Variants in AMD1 observed in about 807,000 individuals in gnomAD.
AMD1 encodes adenosylmethionine decarboxylase 1.
Under a neutral mutation model 40.2 loss-of-function variants are expected in AMD1, and 11 were observed. That is an observed-to-expected ratio of 0.27 (90% confidence interval 0.17 to 0.45). The LOEUF (loss-of-function observed/expected upper bound fraction) is 0.45, where lower values mean the gene tolerates loss of function less well. AMD1 is among the 20% of genes least tolerant of loss of function. The pLI is 1.00. For missense variants in AMD1, 257 were observed against 410.2 expected (o/e 0.63, Z 3.23); for synonymous variants, 121 against 130.8 (o/e 0.93, Z 0.51).
chr6:110,836,951 C>A, the AMD1 span, among the ~76,000 whole-genome samples: 2 of 151,742 alleles, frequency 1.3e-5, no homozygotes, highest in Non-Finnish European at 2.9e-5. Flanking sequence ...GTCAAGAGTT[C>A]GAGACCAACC....
intron 3 of AMD1, chr6:110,889,816 T>A (rs991129499): frequency 6.5e-6 from 1 of 154,596 alleles, no homozygotes; most frequent in Non-Finnish European, 1.4e-5. Flanking sequence ...GTTTTTGTTG[T>A]TATGAATTGA....
At chr6:110,872,224 A>G (rs1249981753), upstream of AMD1, among the ~76,000 whole-genome samples, 1 of 152,176 alleles carries the variant, frequency 6.6e-6, no homozygotes, top group Non-Finnish European at 1.5e-5. Context: ...ACATATAGAC[A>G]TGTCTTTACA....
chr6:110,842,966 C>G, the AMD1 span, among the ~76,000 whole-genome samples: 1 of 151,994 alleles, frequency 6.6e-6, no homozygotes, highest in Non-Finnish European at 1.5e-5. Flanking sequence ...AACCCCGTCT[C>G]TACTAAAAAT....
chr6:110,830,029 T>TG, the AMD1 span, among the ~76,000 whole-genome samples: 6 of 151,960 alleles, frequency 3.9e-5, no homozygotes, highest in Non-Finnish European at 7.4e-5. Flanking sequence ...TTTGTTTGTT[T>TG]TTTTGAGACA....
chr6:110,844,368 C>T, the AMD1 span, among the ~76,000 whole-genome samples: 1 of 150,588 alleles, frequency 6.6e-6, no homozygotes, highest in African/African-American at 2.4e-5. Context: ...ATGTTGGTCT[C>T]GCTGGTCTCA....
At chr6:110,849,075 C>T in the AMD1 span, among the ~76,000 whole-genome samples, 1 of 152,106 alleles carries the variant, frequency 6.6e-6, no homozygotes, top group East Asian at 1.9e-4. Context: ...GAGGGAAATC[C>T]TCAGCAGTAT....
the AMD1 span, among the ~76,000 whole-genome samples, chr6:110,860,274 A>G: frequency 2.0e-5 from 3 of 152,164 alleles, no homozygotes; most frequent in African/African-American, 7.2e-5. Flanking sequence ...GATAATGTGA[A>G]ATACGACTGT....
chr6:110,863,520 C>G, the AMD1 span, among the ~76,000 whole-genome samples: 1 of 151,692 alleles, frequency 6.6e-6, no homozygotes, highest in African/African-American at 2.4e-5. Context: ...CAGGCGTCTG[C>G]CACCACACCT....
the AMD1 span, among the ~76,000 whole-genome samples, chr6:110,830,719 C>G: frequency 1.3e-5 from 2 of 152,210 alleles, no homozygotes; most frequent in African/African-American, 2.4e-5. Context: ...CTAACACCAC[C>G]AGCTTGCCCT....
intron 1 of AMD1, 136 bp downstream of exon 1, chr6:110,875,351 C>T: frequency 1.4e-6 from 1 of 729,220 alleles, no homozygotes; most frequent in Admixed American, 2.6e-5. Flanking sequence ...GCTTCGGCGG[C>T]CTTGGAAGGT....
At position 110,875,022 on chromosome 6, in the gene AMD1, C is replaced by T. The variant is rs1785020431; in HGVS notation, c.-84C>T. 1.0e-5 allele frequency: 11 copies of T among 1,073,188 alleles called. No individual in the cohort carries two copies. The highest frequency in any genetic ancestry group is 1.6e-5 in the African/African-American group (1 of 63,402). 66.5% of individuals were successfully genotyped at this position (1,073,188 alleles called of 1,614,324 possible). A position where few individuals can be genotyped will look rare whatever the true frequency, so the allele number is the denominator to read the frequency against. The stretch of plus-strand genomic sequence containing the variant: ...CTTTAGTAACACAGCTGGAACAATC[C>T]GCAGCGGCGGCGGCAGCGGCGGGAG... On this transcript the variant is annotated 5_prime_UTR_variant, in exon 1 of 9. Transcript: ENST00000368885.
At chr6:110,857,698 A>G in the AMD1 span, among the ~76,000 whole-genome samples, 4 of 146,566 alleles carry the variant, frequency 2.7e-5, no homozygotes, top group Non-Finnish European at 6.0e-5. Flanking sequence ...TACAGATGGC[A>G]TATATATAGA....
At chr6:110,862,749 C>T in the AMD1 span, among the ~76,000 whole-genome samples, 1 of 152,010 alleles carries the variant, frequency 6.6e-6, no homozygotes, top group East Asian at 1.9e-4. Context: ...GGATTACAGG[C>T]GTGAGCCACT....
the AMD1 span, among the ~76,000 whole-genome samples, chr6:110,841,791 TTTTATTTA>T: frequency 2.9e-4 from 44 of 151,750 alleles, no homozygotes; most frequent in Middle Eastern, 3.4e-3. Flanking sequence ...ATTTGTTTTA[TTTTATTTA>T]TTTATTTATT....
rs1554237989 is a variant in AMD1, at chr6:110,892,723, T to TTC, written c.616-11_616-10dup. On this transcript the variant is annotated splice_polypyrimidine_tract_variant and intron_variant, in intron 6 of 8. Coordinates refer to ENST00000368885, the MANE Select transcript of AMD1 (RefSeq NM_001634.6). ...CAAACCCTTGTTAAACTCGGTCTTT[T>TTC]TCCCCCCCCAGGAGAGTGGAATTCG... is the stretch of plus-strand genomic sequence containing the variant. The TTC allele has an allele frequency of 6.6e-7, 1 of 1,504,288 alleles. No homozygotes were observed. The highest frequency in any genetic ancestry group is 8.9e-7 in the Non-Finnish European group (1 of 1,124,032). The allele number at this position is 1,504,288 out of a possible 1,614,324, so 93.2% of individuals were successfully genotyped here. A position where few individuals can be genotyped will look rare whatever the true frequency, so the allele number is the denominator to read the frequency against.
At chr6:110,888,731 T>C (rs554759136) in intron 2 of AMD1, 126 bp from the exon 3 acceptor site, 32 of 913,024 alleles carry the variant, frequency 3.5e-5, no homozygotes, top group Admixed American at 7.8e-5. Context: ...AATGTGTTAC[T>C]TGCTTCCTTG....
the AMD1 span, among the ~76,000 whole-genome samples, chr6:110,842,244 T>A: frequency 6.6e-6 from 1 of 152,328 alleles, no homozygotes; most frequent in East Asian, 1.9e-4. Context: ...TTCCACACTA[T>A]GTTTTTACCA....
chr6:110,815,217 C>G, the AMD1 span: 1 of 1,395,418 alleles, frequency 7.2e-7, no homozygotes, highest in Non-Finnish European at 9.3e-7. Context: ...GCGACCGCCG[C>G]TCCACTTCTC....
chr6:110,871,591 A>G (rs1784919857), upstream of AMD1, among the ~76,000 whole-genome samples: 1 of 152,228 alleles, frequency 6.6e-6, no homozygotes, highest in Admixed American at 6.5e-5. Flanking sequence ...TGGACCATAA[A>G]GAGGTAAGAA....
Sources: allele counts gnomAD v4.1 joint callset (sites outside exome capture counted in the v4.1 genomes callset), GRCh38; gene constraint gnomAD v4.1.1; transcripts MANE v1.5; gene names NCBI Gene and HGNC (gene_info 2026-07-23, HGNC 2026-07-21).